The following LYPLAL1 variants were observed in gnomAD, a reference collection of about 807,000 sequenced individuals.
LYPLAL1 encodes lysophospholipase-like protein 1.
A neutral mutation model predicts 19.7 loss-of-function variants in LYPLAL1; 23 were observed. That is an observed-to-expected ratio of 1.17 (90% CI 0.84 to 1.65). The LOEUF (loss-of-function observed/expected upper bound fraction) is 1.65, where lower values mean the gene tolerates loss of function less well. Among genes scored for constraint, LYPLAL1 ranks in the 40% most tolerant of loss-of-function variants. The pLI is 0.00. For missense variants in LYPLAL1, 355 were observed against 279.4 expected (o/e 1.27, Z -1.93); for synonymous variants, 119 against 96.3 (o/e 1.24, Z -1.38).
the LYPLAL1 span, among the ~76,000 whole-genome samples, chr1:219,414,510 G>A: frequency 6.6e-6 from 1 of 152,128 alleles, no homozygotes; most frequent in South Asian, 2.1e-4. Context: ...ACTGTAACAT[G>A]GGACAATGGT....
chr1:219,264,890 G>A, the LYPLAL1 span, among the ~76,000 whole-genome samples: 12 of 152,282 alleles, frequency 7.9e-5, no homozygotes, highest in East Asian at 7.7e-4. Context: ...GGGCCAAAAC[G>A]GTAGTGCCAA....
chr1:219,251,576 T>C, the LYPLAL1 span, among the ~76,000 whole-genome samples: 13 of 152,194 alleles, frequency 8.5e-5, no homozygotes, highest in East Asian at 2.5e-3. Flanking sequence ...TTGTCAAAGA[T>C]CAGATGGTTG....
At chr1:219,217,246 T>C (rs1342114575), downstream of LYPLAL1, among the ~76,000 whole-genome samples, 1 of 152,140 alleles carries the variant, frequency 6.6e-6, no homozygotes, top group African/African-American at 2.4e-5. Flanking sequence ...TTGTGACATG[T>C]TCAGTGTATA....
the LYPLAL1 span, among the ~76,000 whole-genome samples, chr1:219,328,370 T>A: frequency 6.6e-6 from 1 of 152,330 alleles, no homozygotes; most frequent in South Asian, 2.1e-4. Context: ...TGATTTTCTT[T>A]CTACATGATA....
chr1:219,342,434 C>T, the LYPLAL1 span, among the ~76,000 whole-genome samples: 3 of 152,038 alleles, frequency 2.0e-5, no homozygotes, highest in Non-Finnish European at 4.4e-5. Flanking sequence ...TTTTGCATCA[C>T]CCTATTAGGC....
the LYPLAL1 span, chr1:219,225,228 C>G: frequency 6.6e-6 from 1 of 152,082 alleles, no homozygotes; most frequent in African/African-American, 2.4e-5. Context: ...ATAATATGTT[C>G]AAAACAATGC....
At chr1:219,207,464 T>C (rs554273012) in intron 3 of LYPLAL1, among the ~76,000 whole-genome samples, 22 of 152,176 alleles carry the variant, frequency 1.4e-4, no homozygotes, top group African/African-American at 5.3e-4. Context: ...TAGGTTTTTT[T>C]AAGCTTTACT....
chr1:219,324,058 C>T, the LYPLAL1 span, among the ~76,000 whole-genome samples: 1 of 152,142 alleles, frequency 6.6e-6, no homozygotes, highest in Non-Finnish European at 1.5e-5. Context: ...GTACTGTTCC[C>T]AAATGGTGGT....
chr1:219,340,515 T>C, the LYPLAL1 span, among the ~76,000 whole-genome samples: 2 of 152,078 alleles, frequency 1.3e-5, no homozygotes, highest in Non-Finnish European at 2.9e-5. Context: ...ATTACATTAA[T>C]GCTTATTCCA....
chr1:219,328,446 CTT>C, the LYPLAL1 span, among the ~76,000 whole-genome samples: 1 of 152,194 alleles, frequency 6.6e-6, no homozygotes, highest in Non-Finnish European at 1.5e-5. Context: ...ATTCCCTTCT[CTT>C]TGTGCCCACC....
At chr1:219,228,661 T>C in the LYPLAL1 span, among the ~76,000 whole-genome samples, 1 of 151,416 alleles carries the variant, frequency 6.6e-6, no homozygotes, top group Admixed American at 6.6e-5. Flanking sequence ...TTATAAGCAC[T>C]TTATTTATTT....
At chr1:219,218,345 A>G in the LYPLAL1 span, among the ~76,000 whole-genome samples, 5 of 152,032 alleles carry the variant, frequency 3.3e-5, no homozygotes, top group African/African-American at 9.7e-5. Context: ...AGAATTAGCA[A>G]AGCCATGTAA....
At chr1:219,185,176 A>C (rs1312089160) in intron 2 of LYPLAL1, among the ~76,000 whole-genome samples, 2 of 151,666 alleles carry the variant, frequency 1.3e-5, no homozygotes, top group Non-Finnish European at 2.9e-5. Flanking sequence ...TGATTTGTCA[A>C]ATTTATTGAC....
chr1:219,421,008 T>G, the LYPLAL1 span, among the ~76,000 whole-genome samples: 1 of 152,228 alleles, frequency 6.6e-6, no homozygotes, highest in Non-Finnish European at 1.5e-5. Flanking sequence ...CAAATACTCC[T>G]GGGAAATCTG....
chr1:219,194,872 T>G (rs1657481914), intron 3 of LYPLAL1, among the ~76,000 whole-genome samples: 1 of 152,044 alleles, frequency 6.6e-6, no homozygotes, highest in Admixed American at 6.6e-5. Flanking sequence ...GAATGATTTG[T>G]ACAGTAAAGT....
chr1:219,316,818 C>T, the LYPLAL1 span, among the ~76,000 whole-genome samples: 2 of 151,986 alleles, frequency 1.3e-5, no homozygotes, highest in Non-Finnish European at 2.9e-5. Context: ...TTTATCATTC[C>T]ACTTATATGA....
At chr1:219,209,359 A>G (rs992820519) in intron 3 of LYPLAL1, among the ~76,000 whole-genome samples, 17 of 152,094 alleles carry the variant, frequency 1.1e-4, no homozygotes, top group African/African-American at 3.1e-4. Flanking sequence ...TCCTATTTTA[A>G]TAAATATCAA....
the LYPLAL1 span, among the ~76,000 whole-genome samples, chr1:219,296,158 T>C: frequency 6.6e-6 from 1 of 152,184 alleles, no homozygotes; most frequent in Non-Finnish European, 1.5e-5. Context: ...TGGCAATATA[T>C]GGACACATAA....
the LYPLAL1 span, among the ~76,000 whole-genome samples, chr1:219,260,508 A>C: frequency 1.3e-4 from 20 of 151,570 alleles, no homozygotes; most frequent in Non-Finnish European, 2.4e-4. Flanking sequence ...ATTACAAGAA[A>C]TACTTGATAA....
Sources: gnomAD v4.1 joint callset for allele counts (sites outside exome capture counted in the v4.1 genomes callset) on GRCh38, gnomAD v4.1.1 for gene constraint, MANE v1.5 for transcripts, NCBI Gene and HGNC (gene_info 2026-07-23, HGNC 2026-07-21) for gene names.